KCNQ1: variants seen among roughly 807,000 people sequenced by gnomAD.
KCNQ1 encodes potassium voltage-gated channel subfamily Q member 1.
Under a neutral mutation model 72.4 loss-of-function variants are expected in KCNQ1, and 49 were observed. The observed-to-expected ratio is 0.68, with a 90% CI of 0.54 to 0.86. The LOEUF is 0.86. Ranked by LOEUF, KCNQ1 falls within the 40% of genes least tolerant of loss-of-function variation. KCNQ1 has a pLI of 0.00. For missense variants in KCNQ1, 790 were observed against 945.1 expected, an observed-to-expected ratio of 0.84 and a Z score of 2.15; for synonymous variants, 450 against 412.6, an observed-to-expected ratio of 1.09 and a Z score of -1.10.
At chr11:2,649,980 T>C (rs1339427692) in intron 10 of KCNQ1, 4 of 398,382 alleles carry the variant, frequency 1.0e-5, no homozygotes, top group Non-Finnish European at 1.8e-5. Flanking sequence ...TTCTTCATTC[T>C]TTTTTATTGT....
In KCNQ1 at chr11:2,538,319, A is replaced by G. The variant is rs1034016378; in HGVS notation, c.477+10301A>G. 1.3e-5 allele frequency among the ~76,000 whole-genome samples: 2 copies of G among 152,214 alleles called. No individual in the cohort carries two copies. Among genetic ancestry groups the G allele is most frequent in the African/African-American group, 4.8e-5 (2 of 41,538 alleles). On this transcript the variant is annotated intron_variant, in intron 2 of 15. Coordinates refer to ENST00000155840, the MANE Select transcript of KCNQ1 (RefSeq NM_000218.3). The surrounding 1 kb of genome is among the most constrained non-coding windows in gnomAD (Gnocchi z 6.7). ...TCTTGGGCAGGGAAGGGCGGTGGAC[A>G]TGGAGGCTTGGGGACAGTCCCCTGG...
rs1302720642 is a variant in KCNQ1, at chr11:2,782,572, G to A, written c.1794+4535G>A. On this transcript the variant is annotated intron_variant, in intron 15 of 15. Coordinates refer to ENST00000155840, the MANE Select transcript of KCNQ1 (RefSeq NM_000218.3). This position sits in a 1 kb window ranked among gnomAD's most constrained non-coding sequence, Gnocchi z 6.1. ...GGAATTTAAAGGTAAAGACATCTAG[G>A]CCTGGTGTTTTCTTTGTGGGAAGAT... Among the ~76,000 whole-genome samples the A allele has an allele frequency of 6.6e-6, 1 of 152,076 alleles. No individual in the cohort carries two copies. The highest frequency in any genetic ancestry group is 1.5e-5 in the Non-Finnish European group (1 of 68,006).
At chr11:2,655,619 C>T in intron 10 of KCNQ1, 1 of 398,668 alleles carries the variant, frequency 2.5e-6, no homozygotes, top group East Asian at 3.6e-5. Context: ...CAGCACTTGC[C>T]CTCAAGCCCT....
At chr11:2,456,724 A>G (rs1314612764) in intron 1 of KCNQ1, among the ~76,000 whole-genome samples, 8 of 146,290 alleles carry the variant, frequency 5.5e-5, no homozygotes, top group East Asian at 2.0e-4. Context: ...GATCGAGACC[A>G]TCCTGGCTAA....
At chr11:2,792,447 G>A (rs1230700074) in intron 15 of KCNQ1, among the ~76,000 whole-genome samples, 1 of 152,192 alleles carries the variant, frequency 6.6e-6, no homozygotes, top group Non-Finnish European at 1.5e-5. Context: ...GAAAGCGCCA[G>A]GTGGATAGGA....
At chr11:2,829,969 A>AAGGAAGGAGGAGGGAGG (rs1564908818) in intron 15 of KCNQ1, among the ~76,000 whole-genome samples, 5 of 115,478 alleles carry the variant, frequency 4.3e-5, no homozygotes, top group African/African-American at 1.7e-4. Context: ...GGAGGATGAG[A>AAGGAAGGAGGAGGGAGG]AGGAAGGAGG....
chr11:2,691,838 C>G lies in KCNQ1; in HGVS notation c.1514+29757C>G. The G allele has an allele frequency of 2.5e-6, 1 of 398,702 alleles. No homozygotes were observed. Among genetic ancestry groups the G allele is most frequent in the Non-Finnish European group, 4.4e-6 (1 of 226,110 alleles). The allele number at this position is 398,702 out of a possible 1,614,324, so 24.7% of individuals were successfully genotyped here. On this transcript the variant is annotated intron_variant, in intron 11 of 15. Coordinates refer to ENST00000155840, the MANE Select transcript of KCNQ1 (RefSeq NM_000218.3). This position sits in a 1 kb window ranked among gnomAD's most constrained non-coding sequence, Gnocchi z 6.4. ...GATCCAATGTGACCTCTGCCAGGACCATGACCCCTAGGTCCTCTTTTCCAT... is the reference window on the plus strand; with the variant it reads ...GATCCAATGTGACCTCTGCCAGGACGATGACCCCTAGGTCCTCTTTTCCAT...
In KCNQ1 at chr11:2,494,312, C is replaced by A. The variant is rs1846877445; in HGVS notation, c.387-33616C>A. ...CTGCAAACAGAGAAAATTTGACTTC[C>A]TCTTTTCCTATTTGAATACTCTTTA... is the stretch of plus-strand genomic sequence containing the variant. On this transcript the variant is annotated intron_variant, in intron 1 of 15. Transcript: ENST00000155840. This position sits in a 1 kb window ranked among gnomAD's most constrained non-coding sequence, Gnocchi z 4.6. Among the ~76,000 whole-genome samples the A allele has an allele frequency of 6.6e-6, 1 of 152,148 alleles. No homozygotes were observed. Among genetic ancestry groups the A allele is most frequent in the South Asian group, 2.1e-4 (1 of 4,814 alleles).
chr11:2,474,567 G>C (rs370478895), intron 1 of KCNQ1, among the ~76,000 whole-genome samples: 2 of 152,210 alleles, frequency 1.3e-5, no homozygotes, highest in Admixed American at 1.3e-4. Context: ...GAGGGGCAGC[G>C]GTGGAGCCCA....
rs906429183 is a variant in KCNQ1 at position 2,830,797 on chromosome 11, C to T, written c.1795-16970C>T. ...GCACCCTGGCCACAGAGCCACACAC[C>T]TGGGCCTTCCCCTCTCCCCATCATC... On this transcript the variant is annotated intron_variant, in intron 15 of 15. Coordinates refer to ENST00000155840, the MANE Select transcript of KCNQ1 (RefSeq NM_000218.3). The surrounding 1 kb of genome is among the most constrained non-coding windows in gnomAD (Gnocchi z 7.7). 1.3e-5 allele frequency among the ~76,000 whole-genome samples: 2 copies of T among 152,238 alleles called. No individual in the cohort carries two copies. The highest frequency in any genetic ancestry group is 2.9e-5 in the Non-Finnish European group (2 of 68,038).
intron 11 of KCNQ1, among the ~76,000 whole-genome samples, chr11:2,730,946 C>G (rs897082103): frequency 2.6e-5 from 4 of 152,192 alleles, no homozygotes; most frequent in Non-Finnish European, 5.9e-5. Context: ...GAAATGAGAG[C>G]CCCGGCCCAG....
chr11:2,796,677 C>T (rs1847139728), intron 15 of KCNQ1, among the ~76,000 whole-genome samples: 8 of 152,224 alleles, frequency 5.3e-5, no homozygotes, highest in Admixed American at 5.2e-4. Flanking sequence ...GATAATGGGC[C>T]CACTGAGGTG....
rs1850264151 is a variant in KCNQ1, at chr11:2,674,837, A to T, written c.1514+12756A>T. The T allele has an allele frequency of 2.6e-6, 1 of 379,600 alleles. No individual in the cohort carries two copies. The highest frequency in any genetic ancestry group is 2.1e-5 in the African/African-American group (1 of 47,404). The allele number at this position is 379,600 out of a possible 1,614,324, so 23.5% of individuals were successfully genotyped here. A position where few individuals can be genotyped will look rare whatever the true frequency, so the allele number is the denominator to read the frequency against. On this transcript the variant is annotated intron_variant, in intron 11 of 15. Coordinates refer to ENST00000155840, the MANE Select transcript of KCNQ1 (RefSeq NM_000218.3). This position sits in a 1 kb window ranked among gnomAD's most constrained non-coding sequence, Gnocchi z 5.9. ...TCACCCTAATAGCTGTTTTTTAAAA[A>T]AAAAAAAAAAAAAAAAAAAAAAAGC...
chr11:2,448,520 C>T (rs1846076889), intron 1 of KCNQ1, among the ~76,000 whole-genome samples: 2 of 152,238 alleles, frequency 1.3e-5, no homozygotes, highest in South Asian at 4.1e-4. Context: ...CTCCAGTGCC[C>T]TCCTATCTCC....
At chr11:2,609,585 T>A (rs1848943433) in intron 10 of KCNQ1, 1 of 266,980 alleles carries the variant, frequency 3.7e-6, no homozygotes, top group Non-Finnish European at 6.6e-6. Flanking sequence ...TTATTGATCT[T>A]CTTTCTTGTA....
Position 2,488,236 on chromosome 11 carries a change from T to A in KCNQ1, c.387-39692T>A, listed in dbSNP as rs1245309742. 1.3e-5 allele frequency among the ~76,000 whole-genome samples: 2 copies of A among 152,224 alleles called. No individual in the cohort carries two copies. Among genetic ancestry groups the A allele is most frequent in the Non-Finnish European group, 2.9e-5 (2 of 68,026 alleles). On this transcript the variant is annotated intron_variant, in intron 1 of 15. Transcript: ENST00000155840. This position sits in a 1 kb window ranked among gnomAD's most constrained non-coding sequence, Gnocchi z 5.1. ...AATCTCACATGGTCATGATATGTAA[T>A]ACTTTAACTATGTTTCTGAACTCAG... is the stretch of plus-strand genomic sequence containing the variant.
rs557211721 is a variant in KCNQ1, at chr11:2,669,267, G to C, written c.1514+7186G>C. On this transcript the variant is annotated intron_variant, in intron 11 of 15. Transcript: ENST00000155840. The surrounding 1 kb of genome is among the most constrained non-coding windows in gnomAD (Gnocchi z 5.6). Reference sequence around the variant, plus strand: ...CTTCTCCTTCCCCATCACTGGCTTTGCTGTCTTTGCAGGGTTTCTCCTCAC... The same window carrying C: ...CTTCTCCTTCCCCATCACTGGCTTTCCTGTCTTTGCAGGGTTTCTCCTCAC... 3.6e-4 allele frequency: 145 copies of C among 398,572 alleles called. 2 individuals are homozygous for C. The highest frequency in any genetic ancestry group is 5.6e-4 in the Non-Finnish European group (127 of 226,128). The allele number at this position is 398,572 out of a possible 1,614,324, so 24.7% of individuals were successfully genotyped here. A position where few individuals can be genotyped will look rare whatever the true frequency, so the allele number is the denominator to read the frequency against.
Position 2,588,520 on chromosome 11 carries a change from C to T in KCNQ1, c.1252-193C>T, listed in dbSNP as rs1848625841. 6.6e-6 allele frequency among the ~76,000 whole-genome samples: 1 copy of T among 152,192 alleles called. No homozygotes were observed. The highest frequency in any genetic ancestry group is 2.1e-4 in the South Asian group (1 of 4,832). The stretch of plus-strand genomic sequence containing the variant: ...CACAGGGCAGCACCTGGGCCAAGCC[C>T]CCCACGTGACCCCCAGCAGCCCTGC... On this transcript the variant is annotated intron_variant, in intron 9 of 15. Transcript: ENST00000155840. This position sits in a 1 kb window ranked among gnomAD's most constrained non-coding sequence, Gnocchi z 5.6.
chr11:2,561,208 A>AAAAAAAAAAAAAAAAG (rs1554891922), intron 2 of KCNQ1, among the ~76,000 whole-genome samples: 2 of 147,660 alleles, frequency 1.4e-5, no homozygotes, highest in Non-Finnish European at 3.0e-5. Flanking sequence ...CTCAAAAAAA[A>AAAAAAAAAAAAAAAAG]AAAAAAAGAA....
Sources: gnomAD v4.1 joint callset for allele counts (sites outside exome capture counted in the v4.1 genomes callset) on GRCh38, gnomAD v4.1.1 for gene constraint, Gnocchi (gnomAD v3.1) non-coding constraint, MANE v1.5 for transcripts, NCBI Gene and HGNC (gene_info 2026-07-23, HGNC 2026-07-21) for gene names.